The following NUBPL variants were observed in gnomAD, a reference collection of about 807,000 sequenced individuals.
NUBPL encodes the protein iron-sulfur cluster transfer protein NUBPL.
NUBPL carries 31 observed loss-of-function variants against 45.7 expected under a neutral mutation model. The ratio of observed to expected loss-of-function variants is 0.68; its 90% CI spans 0.51 to 0.92. The LOEUF (loss-of-function observed/expected upper bound fraction) is 0.92, where lower values mean the gene tolerates loss of function less well. NUBPL is among the 40% of genes least tolerant of loss of function. The probability of loss-of-function intolerance (pLI) is 0.00; values close to 1 mark genes in which losing one functional copy is unlikely to be tolerated. For synonymous variants in NUBPL, 144 were observed against 140.9 expected (o/e 1.02, Z -0.15); for missense variants, 401 against 398.7 (o/e 1.01, Z -0.05).
intron 6 of NUBPL, among the ~76,000 whole-genome samples, chr14:31,780,348 C>T (rs771605689): frequency 8.5e-5 from 13 of 152,140 alleles, no homozygotes; most frequent in Middle Eastern, 3.4e-3. Flanking sequence ...GAATTACAGG[C>T]GTGAGCCACT....
rs932076706 is a variant in NUBPL at position 31,826,162 on chromosome 14, C to T, written c.608-467C>T. ...TTGAGATGAAGTCTTGCTCTGTCAC[C>T]CAGGCTGGAAGGCAGTGGTGTGATC... On this transcript the variant is annotated intron_variant, in intron 7 of 10. Transcript: ENST00000281081. 5.9e-5 allele frequency among the ~76,000 whole-genome samples: 9 copies of T among 151,844 alleles called. No individual in the cohort carries two copies. In the South Asian group the frequency reaches 6.2e-4, roughly 11 times the overall value.
rs976672633 is a variant in NUBPL at position 31,787,784 on chromosome 14, A to T, written c.518A>T (p.Asp173Val). ...TAATCTATGTCATCTTTTTAGGTAGATTGGGGTCAACTGGACTACTTAGTT... is the reference window on the plus strand; with the variant it reads ...TAATCTATGTCATCTTTTTAGGTAGTTTGGGGTCAACTGGACTACTTAGTT... ...SAIEKLLRQV[D>V]WGQLDYLVVD... The change falls in exon 7 of 11, where the codon GAT (aspartate) becomes GTT (valine). Residue 173 changes from aspartate to valine, a missense_variant. Transcript: ENST00000281081. 7.5e-6 allele frequency: 12 copies of T among 1,605,480 alleles called. No homozygotes were observed. The highest frequency in any genetic ancestry group is 1.0e-5 in the Non-Finnish European group (12 of 1,172,332).
At chr14:31,778,327 CAAGCCAAAAAAAACAATGTGG>C in intron 6 of NUBPL, among the ~76,000 whole-genome samples, 1 of 152,148 alleles carries the variant, frequency 6.6e-6, no homozygotes, top group South Asian at 2.1e-4. Flanking sequence ...AACAAACAAA[CAAGCCAAAAAAAACAATGTGG>C]TTTCTCCTGA....
At chr14:31,608,651 C>A (rs1350842556) in intron 4 of NUBPL, among the ~76,000 whole-genome samples, 1 of 152,050 alleles carries the variant, frequency 6.6e-6, no homozygotes, top group Admixed American at 6.6e-5. Context: ...AGTAAGTATG[C>A]AGGGAAAAAA....
chr14:31,749,288 G>A (rs138632568), intron 6 of NUBPL, among the ~76,000 whole-genome samples: 3 of 152,028 alleles, frequency 2.0e-5, no homozygotes, highest in Non-Finnish European at 4.4e-5. Flanking sequence ...CTGTGTATCT[G>A]TTCTACCTGA....
chr14:31,625,258 C>T (rs2035173915), intron 4 of NUBPL, among the ~76,000 whole-genome samples: 1 of 152,082 alleles, frequency 6.6e-6, no homozygotes, highest in South Asian at 2.1e-4. Flanking sequence ...TTGAAAATTA[C>T]ATTTTAGATT....
intron 8 of NUBPL, among the ~76,000 whole-genome samples, chr14:31,834,341 T>C (rs373884423): frequency 2.4e-4 from 36 of 152,076 alleles, no homozygotes; most frequent in Non-Finnish European, 3.2e-4. Context: ...CCACCATGCC[T>C]GGCTAATTTT....
intron 4 of NUBPL, among the ~76,000 whole-genome samples, chr14:31,618,886 G>T (rs143990688): frequency 1.3e-5 from 2 of 152,214 alleles, no homozygotes; most frequent in African/African-American, 2.4e-5. Flanking sequence ...TGACAGTGGG[G>T]TGTTAAAGTG....
At chr14:31,827,019 G>T (rs2040117463) in intron 8 of NUBPL, among the ~76,000 whole-genome samples, 1 of 152,104 alleles carries the variant, frequency 6.6e-6, no homozygotes, top group Admixed American at 6.5e-5. Flanking sequence ...AAATTATTTA[G>T]ATAGATAGGC....
chr14:31,707,066 T>C (rs1426703227), intron 6 of NUBPL, among the ~76,000 whole-genome samples: 1 of 152,216 alleles, frequency 6.6e-6, no homozygotes, highest in Non-Finnish European at 1.5e-5. Context: ...ACCCATTGTG[T>C]CTTTTTTTCC....
At chr14:31,630,416 A>G (rs1440505274) in intron 4 of NUBPL, among the ~76,000 whole-genome samples, 1 of 152,168 alleles carries the variant, frequency 6.6e-6, no homozygotes, top group Non-Finnish European at 1.5e-5. Context: ...GGGGATATTG[A>G]TTAGGCTAGG....
intron 4 of NUBPL, among the ~76,000 whole-genome samples, chr14:31,636,599 C>T (rs1265800095): frequency 6.6e-6 from 1 of 152,102 alleles, no homozygotes; most frequent in Non-Finnish European, 1.5e-5. Flanking sequence ...ATGATGCTGG[C>T]CTCATAAAAT....
At chr14:31,632,592 A>G (rs115174926) in intron 4 of NUBPL, among the ~76,000 whole-genome samples, 1,832 of 152,320 alleles carry the variant, frequency 0.012, 29 homozygotes, top group African/African-American at 0.034. Flanking sequence ...GAGAAAAAAT[A>G]GTTTATAGAT....
chr14:31,787,173 A>G (rs777265360), intron 6 of NUBPL, among the ~76,000 whole-genome samples: 35 of 152,188 alleles, frequency 2.3e-4, no homozygotes, highest in Admixed American at 6.5e-4. Flanking sequence ...GTATCTGAGG[A>G]GTAAAGAACC....
intron 6 of NUBPL, among the ~76,000 whole-genome samples, chr14:31,696,964 C>A (rs2037227797): frequency 6.6e-6 from 1 of 152,076 alleles, no homozygotes; most frequent in Non-Finnish European, 1.5e-5. Flanking sequence ...AAGGAAGTAA[C>A]AAGAAAGAGA....
chr14:31,774,480 T>C (rs1416908563), intron 6 of NUBPL, among the ~76,000 whole-genome samples: 1 of 152,228 alleles, frequency 6.6e-6, no homozygotes, highest in East Asian at 1.9e-4. Flanking sequence ...GAGTGAGACC[T>C]GATTGCTGCT....
intron 6 of NUBPL, among the ~76,000 whole-genome samples, chr14:31,690,101 A>AAG (rs397945400): frequency 6.6e-6 from 1 of 151,848 alleles, no homozygotes; most frequent in Non-Finnish European, 1.5e-5. Context: ...GAAAAAAAAA[A>AAG]TGCCACAGAG....
chr14:31,799,971 C>G (rs1487850224), intron 7 of NUBPL, among the ~76,000 whole-genome samples: 6 of 152,244 alleles, frequency 3.9e-5, no homozygotes, highest in Admixed American at 3.9e-4. Flanking sequence ...GTTTTATCAA[C>G]TAAGTGTGTG....
intron 6 of NUBPL, among the ~76,000 whole-genome samples, chr14:31,733,152 C>T (rs1330665200): frequency 6.6e-6 from 1 of 151,830 alleles, no homozygotes; most frequent in Non-Finnish European, 1.5e-5. Flanking sequence ...GACTTAAAGC[C>T]TTGGTTGAAA....
Sources: gnomAD v4.1 joint callset for allele counts (sites outside exome capture counted in the v4.1 genomes callset) on GRCh38, gnomAD v4.1.1 for gene constraint, MANE v1.5 for transcripts, NCBI Gene and HGNC (gene_info 2026-07-23, HGNC 2026-07-21) for gene names.